The following WWOX variants were observed in gnomAD, a reference collection of about 807,000 sequenced individuals.
WWOX encodes the protein WW domain containing oxidoreductase.
In WWOX, 69 loss-of-function variants were observed where a neutral mutation model predicts 46.2. The ratio of observed to expected loss-of-function variants is 1.49; its 90% confidence interval spans 1.23 to 1.82. The LOEUF (loss-of-function observed/expected upper bound fraction) is 1.82, where lower values mean the gene tolerates loss of function less well. Ranked by LOEUF, WWOX falls within the 40% of genes most tolerant of loss-of-function variation. The pLI is 0.00. For missense variants in WWOX, 919 were observed against 542.6 expected (o/e 1.69, Z -6.89); for synonymous variants, 359 against 202.6 (o/e 1.77, Z -6.56).
At chr16:78,430,337 C>T (rs568645792) in intron 7 of WWOX, among the ~76,000 whole-genome samples, 18 of 152,034 alleles carry the variant, frequency 1.2e-4, no homozygotes, top group Admixed American at 3.9e-4. Context: ...GGGACACAGC[C>T]GAACCGTATC....
At chr16:79,015,579 A>T (rs189564329) in intron 8 of WWOX, among the ~76,000 whole-genome samples, 1 of 152,140 alleles carries the variant, frequency 6.6e-6, no homozygotes, top group East Asian at 1.9e-4. Context: ...ACTCATGAGG[A>T]GGGTCACTGG....
intron 8 of WWOX, among the ~76,000 whole-genome samples, chr16:78,687,580 G>A (rs531165127): frequency 3.0e-4 from 43 of 141,376 alleles, no homozygotes; most frequent in African/African-American, 1.1e-3. Context: ...GTTGGGTAAT[G>A]AAGAGAGAGA....
At chr16:78,304,460 T>G (rs963935920) in intron 5 of WWOX, among the ~76,000 whole-genome samples, 1 of 152,214 alleles carries the variant, frequency 6.6e-6, no homozygotes, top group African/African-American at 2.4e-5. Context: ...CTTTCAGAAA[T>G]AGTCTCTGCA....
In WWOX at chr16:78,727,403, T is replaced by A. The variant is rs141374177; in HGVS notation, c.1056+294651T>A. On this transcript the variant is annotated intron_variant, in intron 8 of 8. Transcript: ENST00000566780. The stretch of plus-strand genomic sequence containing the variant: ...CCATCTCAAAGCGAAACAAAACAAA[T>A]GAGGGTCCTCATCAGCGTGCCTTTG... 2.2e-4 allele frequency among the ~76,000 whole-genome samples: 33 copies of A among 152,106 alleles called. 1 individual carries two copies. The highest frequency in any genetic ancestry group is 1.7e-3 in the East Asian group (9 of 5,152).
chr16:79,170,960 A>T (rs2050688847), intron 8 of WWOX, among the ~76,000 whole-genome samples: 1 of 152,204 alleles, frequency 6.6e-6, no homozygotes, highest in African/African-American at 2.4e-5. Flanking sequence ...ATATTCCTGC[A>T]TGCACACTCC....
At chr16:78,994,980 T>TTG (rs1268462041) in intron 8 of WWOX, among the ~76,000 whole-genome samples, 1 of 145,150 alleles carries the variant, frequency 6.9e-6, no homozygotes, top group Admixed American at 6.8e-5. Context: ...TTTTTTTTTT[T>TTG]TTTTTTTTGT....
At chr16:78,417,626 C>A (rs774549567) in intron 6 of WWOX, among the ~76,000 whole-genome samples, 1 of 152,138 alleles carries the variant, frequency 6.6e-6, no homozygotes, top group Admixed American at 6.5e-5. Flanking sequence ...TTCCCTCTTC[C>A]CCGCAAGGTT....
intron 8 of WWOX, among the ~76,000 whole-genome samples, chr16:78,915,360 T>G (rs2045223353): frequency 6.6e-6 from 1 of 152,180 alleles, no homozygotes; most frequent in Non-Finnish European, 1.5e-5. Context: ...AAAGACCCCT[T>G]TCACGGGAGG....
chr16:78,762,401 T>G (rs58791206), intron 8 of WWOX, among the ~76,000 whole-genome samples: 8,347 of 152,208 alleles, frequency 0.055, 561 homozygotes, highest in African/African-American at 0.16. Flanking sequence ...GTGACTCGTG[T>G]GTACTTTAGA....
chr16:78,836,867 C>G lies in WWOX; in HGVS notation c.1057-374741C>G, dbSNP rs566979876. On this transcript the variant is annotated intron_variant, in intron 8 of 8. Coordinates refer to ENST00000566780, the MANE Select transcript of WWOX (RefSeq NM_016373.4). ...AACAGAATCTCTTAGCATAGGGGGC[C>G]AAGCAGTAGATGGGCTTTTGCGAAG... Among the ~76,000 whole-genome samples the G allele has an allele frequency of 1.7e-4, 26 of 152,184 alleles. No individual in the cohort carries two copies. The East Asian group carries it at 4.1e-3, about 24-fold the overall frequency.
intron 5 of WWOX, among the ~76,000 whole-genome samples, chr16:78,225,916 A>T (rs1196160929): frequency 6.6e-6 from 1 of 152,174 alleles, no homozygotes; most frequent in Non-Finnish European, 1.5e-5. Context: ...ACATCTAAAT[A>T]GTGCATTGTC....
At chr16:79,186,832 C>CTCACCTTT (rs2051025488) in intron 8 of WWOX, among the ~76,000 whole-genome samples, 1 of 152,092 alleles carries the variant, frequency 6.6e-6, no homozygotes, top group South Asian at 2.1e-4. Context: ...GTCCACATTT[C>CTCACCTTT]TCACCTTTTC....
intron 5 of WWOX, among the ~76,000 whole-genome samples, chr16:78,374,101 G>A (rs1322809441): frequency 6.6e-6 from 1 of 152,144 alleles, no homozygotes; most frequent in Non-Finnish European, 1.5e-5. Context: ...GGCATATTTT[G>A]GAATTGATAG....
intron 8 of WWOX, among the ~76,000 whole-genome samples, chr16:79,168,063 A>T (rs1385905377): frequency 6.6e-6 from 1 of 152,070 alleles, no homozygotes; most frequent in Admixed American, 6.5e-5. Context: ...TCAGTACTTT[A>T]TTCTTTTTTA....
intron 8 of WWOX, among the ~76,000 whole-genome samples, chr16:78,562,774 C>G (rs1443405348): frequency 6.6e-6 from 1 of 152,100 alleles, no homozygotes; most frequent in Non-Finnish European, 1.5e-5. Flanking sequence ...CAGGGAAGAC[C>G]CTGTCTATGG....
intron 8 of WWOX, among the ~76,000 whole-genome samples, chr16:78,710,889 T>C (rs1037199242): frequency 6.6e-6 from 1 of 152,098 alleles, no homozygotes; most frequent in Non-Finnish European, 1.5e-5. Flanking sequence ...AGTGCTGGGA[T>C]TACAGGTGTG....
chr16:78,740,044 A>T (rs944760823), intron 8 of WWOX, among the ~76,000 whole-genome samples: 8 of 151,954 alleles, frequency 5.3e-5, no homozygotes, highest in Admixed American at 5.2e-4. Context: ...ACATTTGACC[A>T]CCTAACTGAC....
At position 78,842,744 on chromosome 16, in the gene WWOX, C is replaced by G. The variant is rs2052191916; in HGVS notation, c.1057-368864C>G. Among the ~76,000 whole-genome samples the G allele has an allele frequency of 1.3e-5, 2 of 150,914 alleles. 1 individual carries two copies. Among genetic ancestry groups the G allele is most frequent in the Admixed American group, 1.3e-4 (2 of 15,132 alleles). ...ACTCACACCTGTAGCCGCAGCTACTCAGGAGGCTGAGGCAGTAGATTCATT... is the reference window on the plus strand; with the variant it reads ...ACTCACACCTGTAGCCGCAGCTACTGAGGAGGCTGAGGCAGTAGATTCATT... On this transcript the variant is annotated intron_variant, in intron 8 of 8. Transcript: ENST00000566780.
intron 8 of WWOX, among the ~76,000 whole-genome samples, chr16:78,762,089 A>G (rs2049808422): frequency 1.3e-5 from 2 of 152,194 alleles, no homozygotes; most frequent in South Asian, 4.1e-4. Context: ...AAGTTCTCTG[A>G]TGTAACTGCC....
Sources: allele counts gnomAD v4.1 joint callset (sites outside exome capture counted in the v4.1 genomes callset), GRCh38; gene constraint gnomAD v4.1.1; transcripts MANE v1.5; gene names NCBI Gene and HGNC (gene_info 2026-07-23, HGNC 2026-07-21).